Variants in SOX5 observed in about 807,000 individuals in gnomAD.
The protein encoded by SOX5 is SRY-box transcription factor 5.
Under a neutral mutation model 92.0 loss-of-function variants are expected in SOX5, and 9 were observed. That is an observed-to-expected ratio of 0.10 (90% confidence interval 0.06 to 0.17). The LOEUF (loss-of-function observed/expected upper bound fraction) is 0.17. SOX5 is among the 10% of genes least tolerant of loss of function. The probability of loss-of-function intolerance (pLI) is 1.00; values close to 1 mark genes in which losing one functional copy is unlikely to be tolerated. For missense variants in SOX5, 642 were observed against 944.5 expected (o/e 0.68, Z 4.20); for synonymous variants, 344 against 336.3 (o/e 1.02, Z -0.25).
chr12:24,331,249 G>C (rs2140984708), intron 2 of SOX5: 1 of 152,270 alleles, frequency 6.6e-6, no homozygotes, highest in Non-Finnish European at 1.5e-5. Flanking sequence ...GACTTTAGCA[G>C]TCTTCCAAGG....
At chr12:24,263,249 C>T (rs1346133762) in intron 3 of SOX5, among the ~76,000 whole-genome samples, 6 of 150,524 alleles carry the variant, frequency 4.0e-5, no homozygotes, top group East Asian at 4.0e-4. Flanking sequence ...ATTACTAGGC[C>T]GGGTGTGGTG....
chr12:24,003,550 T>C (rs555756853), intron 4 of SOX5, among the ~76,000 whole-genome samples: 1 of 151,548 alleles, frequency 6.6e-6, no homozygotes, highest in South Asian at 2.1e-4. Flanking sequence ...AATAATTTCA[T>C]TAACAATTGC....
At chr12:24,509,522 T>C (rs1047939225) in intron 1 of SOX5, among the ~76,000 whole-genome samples, 2 of 152,102 alleles carry the variant, frequency 1.3e-5, no homozygotes, top group African/African-American at 4.8e-5. Context: ...CACAAATAAA[T>C]AAGATATACT....
chr12:24,119,583 T>G (rs1948413392), intron 4 of SOX5, among the ~76,000 whole-genome samples: 1 of 152,122 alleles, frequency 6.6e-6, no homozygotes, highest in African/African-American at 2.4e-5. Context: ...TATACTAAAA[T>G]AGGTAATAAG....
rs1939626125 is a variant in SOX5, at chr12:23,533,930, G to A, written c.*289C>T. The A allele has an allele frequency of 8.0e-6, 2 of 248,494 alleles. No homozygotes were observed. Among genetic ancestry groups the A allele is most frequent in the Non-Finnish European group, 1.5e-5 (2 of 129,082 alleles). 15.4% of individuals were successfully genotyped at this position (248,494 alleles called of 1,614,324 possible). ...TATTTAAAAAAAAAAAAAAGTTGACGGGTAAGACTTCAGTGCTTGGATGTA... is the reference window on the plus strand; with the variant it reads ...TATTTAAAAAAAAAAAAAAGTTGACAGGTAAGACTTCAGTGCTTGGATGTA... On this transcript the variant is annotated 3_prime_UTR_variant, in exon 15 of 15. Transcript: ENST00000451604.
At chr12:23,951,151 A>G, upstream of SOX5, 1 of 427,956 alleles carries the variant, frequency 2.3e-6, no homozygotes, top group Middle Eastern at 6.6e-4. Flanking sequence ...TTTTCTGTGG[A>G]GAATTCCACG....
chr12:24,514,083 C>T (rs1319878592), intron 1 of SOX5, among the ~76,000 whole-genome samples: 1 of 152,202 alleles, frequency 6.6e-6, no homozygotes, highest in Admixed American at 6.5e-5. Flanking sequence ...CTCCTCAGGC[C>T]TCTGAATCGA....
intron 4 of SOX5, among the ~76,000 whole-genome samples, chr12:24,020,777 A>G (rs1311305218): frequency 6.6e-6 from 1 of 152,182 alleles, no homozygotes; most frequent in East Asian, 1.9e-4. Context: ...GACCATATGT[A>G]GTTCTGAAAG....
At chr12:24,272,513 T>C (rs1440781265) in intron 3 of SOX5, among the ~76,000 whole-genome samples, 1 of 152,210 alleles carries the variant, frequency 6.6e-6, no homozygotes, top group African/African-American at 2.4e-5. Context: ...GTATGTATTT[T>C]ATATCACATT....
At chr12:24,432,474 TAGC>T (rs1410580511) in intron 1 of SOX5, among the ~76,000 whole-genome samples, 1 of 152,148 alleles carries the variant, frequency 6.6e-6, no homozygotes, top group Non-Finnish European at 1.5e-5. Context: ...CTATCCCTAG[TAGC>T]AGTTCTCTGA....
intron 4 of SOX5, among the ~76,000 whole-genome samples, chr12:23,963,765 T>A (rs367986716): frequency 9.7e-4 from 122 of 125,804 alleles, no homozygotes; most frequent in Middle Eastern, 4.2e-3. Flanking sequence ...ATGAATGAAG[T>A]AAAAAAAAAA....
chr12:24,340,883 T>C (rs1021202663), intron 2 of SOX5, among the ~76,000 whole-genome samples: 1 of 152,198 alleles, frequency 6.6e-6, no homozygotes, highest in African/African-American at 2.4e-5. Context: ...TTTGACGAAG[T>C]GCACATCGCC....
chr12:23,738,797 T>C (rs1450794700), intron 5 of SOX5, among the ~76,000 whole-genome samples: 1 of 152,156 alleles, frequency 6.6e-6, no homozygotes, highest in South Asian at 2.1e-4. Flanking sequence ...AGAATTCAGT[T>C]GACTGAAAGA....
intron 1 of SOX5, among the ~76,000 whole-genome samples, chr12:24,497,306 T>G (rs767258693): frequency 2.6e-5 from 4 of 152,194 alleles, no homozygotes; most frequent in African/African-American, 9.7e-5. Context: ...TGTTTATTTT[T>G]AAAAAAGTAT....
intron 11 of SOX5, among the ~76,000 whole-genome samples, chr12:23,554,666 T>C (rs1263221088): frequency 6.6e-6 from 1 of 152,164 alleles, no homozygotes; most frequent in Non-Finnish European, 1.5e-5. Context: ...TCAATAGCTG[T>C]TATACTCCTA....
At chr12:24,531,839 A>G (rs1256650824) in intron 1 of SOX5, among the ~76,000 whole-genome samples, 6 of 152,196 alleles carry the variant, frequency 3.9e-5, no homozygotes, top group African/African-American at 1.2e-4. Flanking sequence ...TTGCCCGCTG[A>G]GGTTATCAAA....
intron 4 of SOX5, among the ~76,000 whole-genome samples, chr12:24,013,424 A>T (rs1285690705): frequency 6.6e-6 from 1 of 152,198 alleles, no homozygotes; most frequent in Non-Finnish European, 1.5e-5. Flanking sequence ...AGATAAGAAG[A>T]GACCATTTCA....
chr12:23,810,180 C>T lies in SOX5; in HGVS notation c.481+35803G>A, dbSNP rs866313207. 6.3e-4 allele frequency among the ~76,000 whole-genome samples: 96 copies of T among 152,154 alleles called. 1 individual carries two copies. The highest frequency in any genetic ancestry group is 2.2e-3 in the African/African-American group (92 of 41,502). The stretch of plus-strand genomic sequence containing the variant: ...TGATATCTCGCCTTTTTATGCTTTC[C>T]AAGTTGACTTATTGTTCATTGAATT... On this transcript the variant is annotated intron_variant, in intron 3 of 14. Transcript: ENST00000451604.
chr12:24,070,000 C>G (rs1224561355), intron 4 of SOX5, among the ~76,000 whole-genome samples: 1 of 152,108 alleles, frequency 6.6e-6, no homozygotes, highest in Non-Finnish European at 1.5e-5. Context: ...AACATTACAC[C>G]AGTTAAATCT....
Sources: gnomAD v4.1 joint callset for allele counts (sites outside exome capture counted in the v4.1 genomes callset) on GRCh38, gnomAD v4.1.1 for gene constraint, MANE v1.5 for transcripts, NCBI Gene and HGNC (gene_info 2026-07-23, HGNC 2026-07-21) for gene names.